The following OCIAD1 variants were observed in gnomAD, a reference collection of about 807,000 sequenced individuals.
The protein encoded by OCIAD1 is OCIA domain-containing protein 1.
A neutral mutation model predicts 38.9 loss-of-function variants in OCIAD1; 29 were observed. The ratio of observed to expected loss-of-function variants is 0.74; its 90% CI spans 0.55 to 1.02. OCIAD1 has a LOEUF of 1.02. OCIAD1 is among the 50% of genes least tolerant of loss of function. OCIAD1 has a pLI of 0.00. For synonymous variants in OCIAD1, 110 were observed against 92.0 expected (o/e 1.20, Z -1.12); for missense variants, 288 against 289.6 (o/e 0.99, Z 0.04).
At chr4:48,842,559 C>T (rs934603994) in intron 3 of OCIAD1, 77 bp from the exon 4 acceptor site, 25 of 850,568 alleles carry the variant, frequency 2.9e-5, no homozygotes, top group Non-Finnish European at 4.4e-5. Context: ...GGTTTTACTG[C>T]TATTCATTTA....
chr4:48,852,227 T>C (rs1204139181), intron 7 of OCIAD1: 2 of 354,744 alleles, frequency 5.6e-6, no homozygotes, highest in Non-Finnish European at 1.0e-5. Flanking sequence ...ACTTTCAGTC[T>C]GTTAGAAGAT....
At chr4:48,851,747 T>G in intron 6 of OCIAD1, 59 bp from the exon 7 acceptor site, 1 of 935,108 alleles carries the variant, frequency 1.1e-6, no homozygotes, top group East Asian at 2.6e-5. Flanking sequence ...ATTTTAACAC[T>G]TCTTTAAGAT....
chr4:48,843,854 G>A (rs948282856), intron 4 of OCIAD1, among the ~76,000 whole-genome samples: 1 of 152,204 alleles, frequency 6.6e-6, no homozygotes, highest in African/African-American at 2.4e-5. Context: ...ATTTAATAAT[G>A]ATTGGAGCTA....
rs1487821992 is a variant in OCIAD1 at position 48,831,250 on chromosome 4, G to T, written c.-6+1G>T. ...AGTCGCCTGCTGCTGTCGTCGGGAGGTGGGTGAGGTGACGCAAACAGCCCC... is the reference window on the plus strand; with the variant it reads ...AGTCGCCTGCTGCTGTCGTCGGGAGTTGGGTGAGGTGACGCAAACAGCCCC... On this transcript the variant is annotated splice_donor_variant, in intron 1 of 8. Coordinates refer to ENST00000264312, the MANE Select transcript of OCIAD1 (RefSeq NM_017830.4). LOFTEE classifies it low-confidence loss of function (5UTR_SPLICE). 2.9e-6 allele frequency: 1 copy of T among 343,772 alleles called. No individual in the cohort carries two copies. The allele number at this position is 343,772 out of a possible 1,614,324, so 21.3% of individuals were successfully genotyped here. A position where few individuals can be genotyped will look rare whatever the true frequency, so the allele number is the denominator to read the frequency against.
At chr4:48,810,022 A>T (rs992196518) in intron 1 of OCIAD1, among the ~76,000 whole-genome samples, 2 of 152,188 alleles carry the variant, frequency 1.3e-5, no homozygotes, top group Non-Finnish European at 2.9e-5. Flanking sequence ...TGTTTGTAAA[A>T]TATTATTTAA....
At chr4:48,847,708 G>A (rs1779091892) in intron 4 of OCIAD1, among the ~76,000 whole-genome samples, 1 of 151,852 alleles carries the variant, frequency 6.6e-6, no homozygotes, top group African/African-American at 2.4e-5. Context: ...TCTGTTTCTG[G>A]ACTCTTAGTT....
Position 48,850,068 on chromosome 4 carries a change from A to G in OCIAD1, c.363A>G (p.Arg121=), listed in dbSNP as rs1579095484. Reference sequence around the variant, plus strand: ...CTTTACGATCAGGACAAGCACGACGATCTTCACCACCTGGGTAGGCCAGAT... The same window carrying G: ...CTTTACGATCAGGACAAGCACGACGGTCTTCACCACCTGGGTAGGCCAGAT... The part of the protein sequence containing the change: ...GEALRSGQAR[R]SSPPGHYYQK... The change falls in exon 6 of 9, where the codon CGA becomes CGG. Residue 121 remains arginine, a synonymous_variant. Transcript: ENST00000264312. 1 of 1,611,756 alleles carries G rather than the reference A, an allele frequency of 6.2e-7. No homozygotes were observed. Among genetic ancestry groups the G allele is most frequent in the South Asian group, 1.1e-5 (1 of 90,100 alleles).
intron 1 of OCIAD1, among the ~76,000 whole-genome samples, chr4:48,832,143 C>T (rs868310278): frequency 6.6e-6 from 1 of 152,008 alleles, no homozygotes; most frequent in African/African-American, 2.4e-5. Flanking sequence ...TTGGAGTGCT[C>T]CTTTGTGGGA....
chr4:48,827,004 T>C (rs1163466516), upstream of OCIAD1, among the ~76,000 whole-genome samples: 1 of 152,232 alleles, frequency 6.6e-6, no homozygotes, highest in African/African-American at 2.4e-5. Context: ...CTTAGAAGAT[T>C]CTTTTCCTTT....
At chr4:48,825,663 C>A (rs1777243107) in intron 1 of OCIAD1, among the ~76,000 whole-genome samples, 1 of 152,152 alleles carries the variant, frequency 6.6e-6, no homozygotes, top group South Asian at 2.1e-4. Context: ...GTGAGTGAAT[C>A]AATAGCTTGT....
chr4:48,858,235 G>A (rs1190075099), intron 8 of OCIAD1, among the ~76,000 whole-genome samples: 7 of 151,982 alleles, frequency 4.6e-5, no homozygotes, highest in Admixed American at 4.6e-4. Flanking sequence ...TTTAACACAG[G>A]GTAGAGACAT....
intron 3 of OCIAD1, among the ~76,000 whole-genome samples, chr4:48,836,654 A>G (rs1352567758): frequency 1.3e-5 from 2 of 152,224 alleles, no homozygotes; most frequent in African/African-American, 2.4e-5. Flanking sequence ...GATAGTACCC[A>G]TGGATAAGGG....
intron 7 of OCIAD1, 34 bp from the exon 8 acceptor site, chr4:48,857,177 CTT>C (rs776021496): frequency 1.5e-6 from 2 of 1,377,426 alleles, no homozygotes; most frequent in Admixed American, 5.2e-5. Flanking sequence ...TATACAAATC[CTT>C]TTATTACCAT....
intron 5 of OCIAD1, chr4:48,848,661 A>G (rs557120325): frequency 3.1e-5 from 11 of 357,196 alleles, no homozygotes; most frequent in Middle Eastern, 7.6e-4. Flanking sequence ...TTGTGTCTTT[A>G]TAATGTAATA....
chr4:48,839,584 C>T (rs1327782633), intron 3 of OCIAD1, among the ~76,000 whole-genome samples: 2 of 152,058 alleles, frequency 1.3e-5, no homozygotes, highest in African/African-American at 4.8e-5. Context: ...AACTGCCTAG[C>T]TCATGAAATT....
At chr4:48,831,570 C>T in intron 1 of OCIAD1, 3 of 1,289,368 alleles carry the variant, frequency 2.3e-6, no homozygotes, top group Non-Finnish European at 3.0e-6. Flanking sequence ...TTTAATCCAG[C>T]GTTGTTTTGT....
At chr4:48,827,268 A>T (rs1777260993), upstream of OCIAD1, among the ~76,000 whole-genome samples, 1 of 152,264 alleles carries the variant, frequency 6.6e-6, no homozygotes, top group South Asian at 2.1e-4. Flanking sequence ...ATTTATATAC[A>T]TTAATGAGTA....
At chr4:48,810,118 ATAT>A (rs1184363665) in intron 1 of OCIAD1, among the ~76,000 whole-genome samples, 1 of 152,056 alleles carries the variant, frequency 6.6e-6, no homozygotes, top group East Asian at 1.9e-4. Context: ...GAAATATTAG[ATAT>A]TATTATTATC....
rs554572990 is a variant in OCIAD1, at chr4:48,848,192, T to G, written c.194-207T>G. ...TTACATCAAGTGATCTTTCTAAATT[T>G]ACCTGTTCTAATACTTTGTAGAGTC... On this transcript the variant is annotated intron_variant, in intron 4 of 8. Coordinates refer to ENST00000264312, the MANE Select transcript of OCIAD1 (RefSeq NM_017830.4). 3.9e-5 allele frequency among the ~76,000 whole-genome samples: 6 copies of G among 152,304 alleles called. 1 individual carries two copies. The highest frequency in any genetic ancestry group is 1.4e-4 in the African/African-American group (6 of 41,586).
Sources: gnomAD v4.1 joint callset for allele counts (sites outside exome capture counted in the v4.1 genomes callset) on GRCh38, gnomAD v4.1.1 for gene constraint, MANE v1.5 for transcripts, NCBI Gene and HGNC (gene_info 2026-07-23, HGNC 2026-07-21) for gene names.